The following NUP205 variants were observed in gnomAD, a reference collection of about 807,000 sequenced individuals.
The protein encoded by NUP205 is nucleoporin 205.
A neutral mutation model predicts 253.8 loss-of-function variants in NUP205; 76 were observed. The observed-to-expected ratio is 0.30, with a 90% CI of 0.25 to 0.36. The LOEUF is 0.36. NUP205 is among the 10% of genes least tolerant of loss of function. NUP205 has a pLI of 1.00. For missense variants in NUP205, 2,162 were observed against 2,425.5 expected, an observed-to-expected ratio of 0.89 and a Z score of 2.28; for synonymous variants, 832 against 850.1, an observed-to-expected ratio of 0.98 and a Z score of 0.37.
chr7:135,617,380 A>G (rs906400537), intron 26 of NUP205, 133 bp downstream of exon 26: 20 of 914,646 alleles, frequency 2.2e-5, no homozygotes, highest in Middle Eastern at 2.3e-4. Flanking sequence ...AAGGACTGTG[A>G]TTTTTGTAAA....
intron 34 of NUP205, 41 bp from the exon 35 acceptor site, chr7:135,630,303 C>T (rs770589168): frequency 1.4e-6 from 2 of 1,417,472 alleles, no homozygotes; most frequent in African/African-American, 1.5e-5. Context: ...TTTTCTACTT[C>T]TACCTGTTTT....
intron 19 of NUP205, among the ~76,000 whole-genome samples, chr7:135,605,416 A>G (rs1287568315): frequency 6.6e-6 from 1 of 152,192 alleles, no homozygotes. Context: ...TTTGTGTGTT[A>G]TAGTCCCTCA....
At chr7:135,573,523 A>T in intron 2 of NUP205, 131 bp from the exon 3 acceptor site, 2 of 587,490 alleles carry the variant, frequency 3.4e-6, no homozygotes, top group Non-Finnish European at 5.7e-6. Context: ...GTTCTAAATT[A>T]GCTGATAAGA....
intron 22 of NUP205, among the ~76,000 whole-genome samples, chr7:135,612,616 A>G (rs1398184825): frequency 6.6e-6 from 1 of 152,198 alleles, no homozygotes; most frequent in Non-Finnish European, 1.5e-5. Flanking sequence ...TGGAACAGGA[A>G]AAGCATTGCT....
intron 7 of NUP205, among the ~76,000 whole-genome samples, chr7:135,583,427 A>G (rs1252574484): frequency 6.6e-6 from 1 of 152,184 alleles, no homozygotes; most frequent in Non-Finnish European, 1.5e-5. Context: ...AAGTTACTCT[A>G]GATCAAGCCA....
At chr7:135,629,501 CTCTCTCTCTG>C (rs918679714) in intron 34 of NUP205, among the ~76,000 whole-genome samples, 11 of 136,790 alleles carry the variant, frequency 8.0e-5, no homozygotes, top group African/African-American at 3.0e-4. Flanking sequence ...CTCTCTCTCT[CTCTCTCTCTG>C]TCTCTCTCTC....
In NUP205 at chr7:135,609,644, T is replaced by C. The variant is rs561456242; in HGVS notation, c.3195+2273T>C. ...GCCTGGGCAACAGAGCGAGACCCCATCTCAAAAAAAAAAAAAGAAATGCAT... is the reference window on the plus strand; with the variant it reads ...GCCTGGGCAACAGAGCGAGACCCCACCTCAAAAAAAAAAAAAGAAATGCAT... On this transcript the variant is annotated intron_variant, in intron 22 of 42. Coordinates refer to ENST00000285968, the MANE Select transcript of NUP205 (RefSeq NM_015135.3). 6.0e-5 allele frequency among the ~76,000 whole-genome samples: 9 copies of C among 150,704 alleles called. No individual in the cohort carries two copies. The East Asian group carries it at 9.7e-4, about 16-fold the overall frequency.
Position 135,606,209 on chromosome 7 carries a change from T to G in NUP205, c.2888T>G (p.Phe963Cys), listed in dbSNP as rs1156328619. ...TTGGATTGTGAAGATGCAGAAGAAT[T>G]TGTACGTCTGGAAGAGGGTATGCCT... ...ECLDCEDAEE[F>C]VRLEEGSELE... Residue 963 changes from phenylalanine to cysteine, a missense_variant, in exon 20 of 43, where the codon TTT (phenylalanine) becomes TGT (cysteine). Physicochemically the swap from Phe to Cys is radical, Grantham distance 205. Transcript: ENST00000285968. 1 of 1,611,216 alleles carries G rather than the reference T, an allele frequency of 6.2e-7. No individual in the cohort carries two copies. Among genetic ancestry groups the G allele is most frequent in the Admixed American group, 1.7e-5 (1 of 60,014 alleles).
chr7:135,594,569 T>C lies in NUP205; in HGVS notation c.1853T>C (p.Leu618Pro), dbSNP rs1793782774. 6.2e-7 allele frequency: 1 copy of C among 1,604,986 alleles called. No individual in the cohort carries two copies. Among genetic ancestry groups the C allele is most frequent in the Non-Finnish European group, 8.5e-7 (1 of 1,177,036 alleles). The change falls in exon 13 of 43, where the codon CTC (leucine) becomes CCC (proline). Residue 618 changes from leucine (L) to proline (P), a missense_variant. Physicochemically the swap from Leu to Pro is moderately conservative, Grantham distance 98. Around this residue, in one of 5 missense-constraint regions of NUP205, gnomAD observed 892 missense variants for 957.1 expected, o/e 0.93. Coordinates refer to ENST00000285968, the MANE Select transcript of NUP205 (RefSeq NM_015135.3). ...TAGAGTGAAAATGCTCGCTTGGCAC[T>C]CTGTGAACACCCTCAGTGGACCCCT... The part of the protein sequence containing the change: ...ITWSENARLA[L>P]CEHPQWTPVV...
rs1004723556 is a variant in NUP205 at position 135,619,562 on chromosome 7, C to T, written c.4103C>T (p.Ala1368Val). ...TTGGGACCAGCAGAGGCCCATTACGCTTTTATGCTTGATAGTTGCTTCACC... is the reference window on the plus strand; with the variant it reads ...TTGGGACCAGCAGAGGCCCATTACGTTTTTATGCTTGATAGTTGCTTCACC... The part of the protein sequence containing the change: ...SVLGPAEAHY[A>V]FMLDSCFTSP... Residue 1368 changes from alanine (A) to valine (V), a missense_variant, in exon 29 of 43, where the codon GCT becomes GTT. By Grantham distance (64) the Ala-to-Val change is moderately conservative. Around this residue, in one of 5 missense-constraint regions of NUP205, gnomAD observed 1,144 missense variants for 1,280.9 expected, o/e 0.89. Coordinates refer to ENST00000285968, the MANE Select transcript of NUP205 (RefSeq NM_015135.3). 8 of 1,614,126 alleles carry T rather than the reference C, an allele frequency of 5.0e-6. No homozygotes were observed. Among genetic ancestry groups the T allele is most frequent in the Non-Finnish European group, 6.8e-6 (8 of 1,180,030 alleles).
chr7:135,577,746 C>T lies in NUP205; in HGVS notation c.649-50C>T, dbSNP rs369630861. ...GGTAGTTTGTACTTTGGAATAAGACCAGGCTTCACTGTAATTTATTTATAC... is the reference window on the plus strand; with the variant it reads ...GGTAGTTTGTACTTTGGAATAAGACTAGGCTTCACTGTAATTTATTTATAC... On this transcript the variant is annotated intron_variant, in intron 5 of 42. Coordinates refer to ENST00000285968, the MANE Select transcript of NUP205 (RefSeq NM_015135.3). The T allele has an allele frequency of 7.2e-6, 10 of 1,381,514 alleles. No individual in the cohort carries two copies. The Middle Eastern group carries it at 7.2e-4, about 99-fold the overall frequency. 85.6% of individuals were successfully genotyped at this position (1,381,514 alleles called of 1,614,324 possible). A position where few individuals can be genotyped will look rare whatever the true frequency, so the allele number is the denominator to read the frequency against.
intron 7 of NUP205, among the ~76,000 whole-genome samples, chr7:135,583,000 G>A (rs1166601109): frequency 6.6e-6 from 1 of 152,140 alleles, no homozygotes; most frequent in Non-Finnish European, 1.5e-5. Flanking sequence ...GGAGACAGGA[G>A]AATCTCTTGA....
intron 1 of NUP205, among the ~76,000 whole-genome samples, chr7:135,563,575 A>G (rs1805656810): frequency 6.6e-6 from 1 of 152,322 alleles, no homozygotes; most frequent in African/African-American, 2.4e-5. Context: ...TGAATGAGTG[A>G]GTAAATGTGA....
chr7:135,586,880 C>T (rs1806477772), intron 8 of NUP205, among the ~76,000 whole-genome samples: 1 of 152,102 alleles, frequency 6.6e-6, no homozygotes, highest in Non-Finnish European at 1.5e-5. Context: ...CTGAAAGGAA[C>T]ACATATTTTG....
chr7:135,623,822 G>T (rs188818271), intron 31 of NUP205, among the ~76,000 whole-genome samples: 127 of 152,154 alleles, frequency 8.3e-4, no homozygotes, highest in African/African-American at 3.0e-3. Flanking sequence ...TCGCTCTGTC[G>T]CCCCGGCTAG....
At chr7:135,604,783 A>G (rs1251786619) in intron 19 of NUP205, among the ~76,000 whole-genome samples, 2 of 152,206 alleles carry the variant, frequency 1.3e-5, no homozygotes. Context: ...CCGACCTGTC[A>G]GTTGCCTGTG....
At chr7:135,565,463 G>A (rs1418863507) in intron 1 of NUP205, among the ~76,000 whole-genome samples, 1 of 148,114 alleles carries the variant, frequency 6.8e-6, no homozygotes, top group Non-Finnish European at 1.5e-5. Context: ...ATGGAGTTTC[G>A]CTATTGTTGC....
chr7:135,624,205 T>G (rs1382229010), intron 31 of NUP205, among the ~76,000 whole-genome samples: 1 of 152,036 alleles, frequency 6.6e-6, no homozygotes, highest in East Asian at 1.9e-4. Flanking sequence ...TTTTTTTTTC[T>G]TTTTTCTTTT....
chr7:135,626,529 T>G (rs1356941502), intron 33 of NUP205, among the ~76,000 whole-genome samples, 168 bp downstream of exon 33: 1 of 152,172 alleles, frequency 6.6e-6, no homozygotes, highest in East Asian at 1.9e-4. Flanking sequence ...AAGTTGCTAC[T>G]AGGGAAAAAG....
Sources: gnomAD v4.1 joint callset for allele counts (sites outside exome capture counted in the v4.1 genomes callset) on GRCh38, gnomAD v4.1.1 for gene constraint, gnomAD v4.1.1 regional missense constraint, MANE v1.5 for transcripts, NCBI Gene and HGNC (gene_info 2026-07-23, HGNC 2026-07-21) for gene names.